RAB27A: variants seen among roughly 807,000 people sequenced by gnomAD.
The protein encoded by RAB27A is RAB27A, member RAS oncogene family.
RAB27A carries 17 observed loss-of-function variants against 20.8 expected under a neutral mutation model. The observed-to-expected ratio is 0.82, with a 90% CI of 0.56 to 1.23. RAB27A has a LOEUF of 1.23. Among genes scored for constraint, RAB27A ranks in the 50% most tolerant of loss-of-function variants. The probability of loss-of-function intolerance (pLI) is 0.00; values close to 1 mark genes in which losing one functional copy is unlikely to be tolerated. For synonymous variants in RAB27A, 85 were observed against 92.8 expected, an observed-to-expected ratio of 0.92 and a Z score of 0.48; for missense variants, 277 against 266.7, an observed-to-expected ratio of 1.04 and a Z score of -0.27.
rs947962586 is a variant in RAB27A at position 55,319,032 on chromosome 15, G to A, written c.-335C>T. 1.5e-5 allele frequency: 8 copies of A among 550,746 alleles called. No individual in the cohort carries two copies. The Admixed American group carries it at 1.7e-4, about 12-fold the overall frequency. The allele number at this position is 550,746 out of a possible 1,614,324, so 34.1% of individuals were successfully genotyped here. A position where few individuals can be genotyped will look rare whatever the true frequency, so the allele number is the denominator to read the frequency against. ...AGCAGTTTTCGGACCCCCGAGCACA[G>A]AGACCGCCAAGCCAAAGGCGAGTAG... On this transcript the variant is annotated 5_prime_UTR_variant, in exon 1 of 6. Coordinates refer to the RAB27A transcript ENST00000563262.
intron 2 of RAB27A, among the ~76,000 whole-genome samples, chr15:55,263,040 T>C (rs1897332854): frequency 4.6e-5 from 7 of 152,206 alleles, no homozygotes. Flanking sequence ...CTGCTACTTT[T>C]TTCCCTTAAT....
upstream of RAB27A, among the ~76,000 whole-genome samples, chr15:55,294,589 G>GAAAAAGA (rs1555400903): frequency 3.4e-5 from 1 of 29,182 alleles, no homozygotes; most frequent in African/African-American, 1.2e-4. Flanking sequence ...CCCTGTCTCC[G>GAAAAAGA]AAAAAAAAAA....
At chr15:55,253,739 T>C (rs1346138581) in intron 2 of RAB27A, among the ~76,000 whole-genome samples, 1 of 144,242 alleles carries the variant, frequency 6.9e-6, no homozygotes, top group African/African-American at 2.5e-5. Flanking sequence ...GAGCCTTGTT[T>C]AAAAAAAAAA....
chr15:55,303,805 G>A (rs1278531247), intron 2 of RAB27A, among the ~76,000 whole-genome samples: 29 of 121,152 alleles, frequency 2.4e-4, no homozygotes, highest in Non-Finnish European at 3.3e-4. Flanking sequence ...TCAGCCCCCC[G>A]CCCGGCCAGC....
chr15:55,277,398 T>G (rs900916565), intron 1 of RAB27A, among the ~76,000 whole-genome samples: 6 of 152,156 alleles, frequency 3.9e-5, no homozygotes, highest in Non-Finnish European at 7.4e-5. Flanking sequence ...ATCCCAGAAC[T>G]TTGGGAGGCA....
intron 2 of RAB27A, among the ~76,000 whole-genome samples, chr15:55,253,276 A>G (rs1896961176): frequency 6.6e-6 from 1 of 151,566 alleles, no homozygotes; most frequent in Non-Finnish European, 1.5e-5. Context: ...GGTGAAACCC[A>G]TCTCTACTAA....
intron 6 of RAB27A, among the ~76,000 whole-genome samples, chr15:55,208,110 T>A (rs1029492075): frequency 6.6e-5 from 10 of 152,088 alleles, no homozygotes; most frequent in Admixed American, 1.3e-4. Flanking sequence ...AGGGAAAAAA[T>A]TTACCTAAAC....
chr15:55,220,548 G>T (rs28478777), intron 6 of RAB27A, among the ~76,000 whole-genome samples: 32,493 of 152,092 alleles, frequency 0.21, 4,679 homozygotes, highest in African/African-American at 0.41. Context: ...TGGCATTGCA[G>T]GTATGAGCCA....
chr15:55,315,060 CAG>C (rs1340859117), intron 1 of RAB27A, among the ~76,000 whole-genome samples: 1 of 152,166 alleles, frequency 6.6e-6, no homozygotes, highest in East Asian at 1.9e-4. Flanking sequence ...GGTACCAAAA[CAG>C]AGACATAGAC....
intron 2 of RAB27A, among the ~76,000 whole-genome samples, chr15:55,254,199 C>A (rs1287413473): frequency 6.6e-6 from 1 of 152,044 alleles, no homozygotes; most frequent in African/African-American, 2.4e-5. Flanking sequence ...TGAGTTTTGA[C>A]CTCGAGAAAT....
intron 2 of RAB27A, among the ~76,000 whole-genome samples, chr15:55,309,066 G>C (rs2055009513): frequency 6.6e-6 from 1 of 152,190 alleles, no homozygotes; most frequent in Non-Finnish European, 1.5e-5. Flanking sequence ...GCTTGGGTTA[G>C]GGCCTTCTTT....
At chr15:55,307,053 C>G (rs1176385317) in intron 2 of RAB27A, among the ~76,000 whole-genome samples, 1 of 152,042 alleles carries the variant, frequency 6.6e-6, no homozygotes, top group East Asian at 1.9e-4. Flanking sequence ...ACTCCAGCCA[C>G]TTTAACCGCA....
intron 6 of RAB27A, among the ~76,000 whole-genome samples, chr15:55,211,676 A>C (rs1302624273): frequency 6.6e-6 from 1 of 152,168 alleles, no homozygotes; most frequent in Non-Finnish European, 1.5e-5. Flanking sequence ...GTTAGAAAAA[A>C]ACTCTTAAAG....
rs1200627507 is a variant in RAB27A at position 55,230,408 on chromosome 15, G to A, written c.232C>T (p.Gln78Ter). The A allele has an allele frequency of 6.2e-7, 1 of 1,610,360 alleles. No individual in the cohort carries two copies. The highest frequency in any genetic ancestry group is 1.1e-5 in the South Asian group (1 of 91,030). Reference sequence around the variant, plus strand: ...TAACTGAAGATCTCATACCTCTCCTGCCCTGCTGTGTCCCATAACTGCAGG... The same window carrying A: ...TAACTGAAGATCTCATACCTCTCCTACCCTGCTGTGTCCCATAACTGCAGG... ...IHLQLWDTAG[Q>*]ERFRSLTTAF... The change falls in exon 4 of 7, where the codon CAG (glutamine) becomes TAG (stop). Residue 78 changes from glutamine to a stop codon, truncating the protein, a stop_gained. Transcript: ENST00000336787. LOFTEE classifies it high-confidence loss of function.
chr15:55,220,969 CTT>C (rs1230428358), intron 6 of RAB27A, among the ~76,000 whole-genome samples: 2 of 152,208 alleles, frequency 1.3e-5, no homozygotes, highest in African/African-American at 4.8e-5. Context: ...GCTAAATCCT[CTT>C]TTCTCATTTT....
At chr15:55,303,669 A>G (rs1421562325) in intron 2 of RAB27A, among the ~76,000 whole-genome samples, 239 of 102,564 alleles carry the variant, frequency 2.3e-3, no homozygotes, top group African/African-American at 8.3e-3. Flanking sequence ...GGGGGGGGTC[A>G]GCCCCCCTGC....
At chr15:55,253,564 A>G (rs1896974504) in intron 2 of RAB27A, among the ~76,000 whole-genome samples, 1 of 152,190 alleles carries the variant, frequency 6.6e-6, no homozygotes. Context: ...TTAGTCCCCC[A>G]AGGCCATACC....
chr15:55,227,474 GC>G (rs752454336), intron 5 of RAB27A, among the ~76,000 whole-genome samples: 6 of 152,224 alleles, frequency 3.9e-5, no homozygotes, highest in Middle Eastern at 3.4e-3. Flanking sequence ...GCGAAGTGAA[GC>G]CCCAGTAAGC....
chr15:55,239,064 T>C (rs1192520490), intron 2 of RAB27A, among the ~76,000 whole-genome samples: 2 of 152,196 alleles, frequency 1.3e-5, no homozygotes, highest in African/African-American at 2.4e-5. Context: ...CTAGTTCCAA[T>C]AGGCTCTGAC....
Sources: allele counts gnomAD v4.1 joint callset (sites outside exome capture counted in the v4.1 genomes callset), GRCh38; gene constraint gnomAD v4.1.1; transcripts MANE v1.5; gene names NCBI Gene and HGNC (gene_info 2026-07-23, HGNC 2026-07-21).